Variants in PPCS observed in about 807,000 individuals in gnomAD.
PPCS encodes phosphopantothenate--cysteine ligase.
PPCS carries 17 observed loss-of-function variants against 24.6 expected under a neutral mutation model. The observed-to-expected ratio is 0.69, with a 90% CI of 0.47 to 1.04. The LOEUF (loss-of-function observed/expected upper bound fraction) is 1.04. PPCS is among the 50% of genes least tolerant of loss of function. PPCS has a pLI of 0.00. For missense variants in PPCS, 360 were observed against 402.8 expected, an observed-to-expected ratio of 0.89 and a Z score of 0.91; for synonymous variants, 190 against 168.3, an observed-to-expected ratio of 1.13 and a Z score of -1.00.
Position 42,466,579 on chromosome 1 carries a change from C to G in PPCS, n.378-6543C>G, listed in dbSNP as rs185778797. Among the ~76,000 whole-genome samples the G allele has an allele frequency of 1.3e-4, 19 of 150,362 alleles. 1 individual carries two copies. Among genetic ancestry groups the G allele is most frequent in the Admixed American group, 6.6e-4 (10 of 15,096 alleles). On this transcript the variant is annotated intron_variant and non_coding_transcript_variant, in intron 2 of 2. Transcript: ENST00000471420. ...TTTGTTTTTTTTTTTTGAGATGGAG[C>G]CTTGCTCTGTCGCCCAGGCTGGAGT...
chr1:42,457,023 C>T lies in PPCS; in HGVS notation c.458C>T (p.Ala153Val), dbSNP rs1643225594. The change falls in exon 1 of 3, where the codon GCG becomes GTG. Residue 153 changes from alanine to valine, a missense_variant. By Grantham distance (64) the Ala-to-Val change is moderately conservative. Coordinates refer to ENST00000372561, the MANE Select transcript of PPCS (RefSeq NM_024664.4). Reference protein sequence around the residue: ...TFLAVEFTTLADYLHLLQAAA... With the variant: ...TFLAVEFTTLVDYLHLLQAAA... ...CTGGCAGTAGAGTTCACCACTTTGG[C>T]GGACTATTTGCATCTGTTGCAGGCT... 1.2e-6 allele frequency: 2 copies of T among 1,601,658 alleles called. No individual in the cohort carries two copies. Among genetic ancestry groups the T allele is most frequent in the Non-Finnish European group, 8.5e-7 (1 of 1,179,704 alleles).
At chr1:42,465,835 A>G (rs182648104), downstream of PPCS, among the ~76,000 whole-genome samples, 6 of 152,340 alleles carry the variant, frequency 3.9e-5, no homozygotes, top group African/African-American at 1.2e-4. Context: ...AACTGCCTCC[A>G]CAACAGCTCA....
At position 42,456,576 on chromosome 1, in the gene PPCS, T is replaced by A. The variant is rs547431390; in HGVS notation, c.11T>A (p.Met4Lys). The change falls in exon 1 of 3, where the codon ATG (methionine) becomes AAG (lysine). Residue 4 changes from methionine to lysine, a missense_variant. Coordinates refer to ENST00000372561, the MANE Select transcript of PPCS (RefSeq NM_024664.4). Reference sequence around the variant, plus strand: ...GCCGCTGCGCTGCAGATGGCGGAAATGGATCCGGTAGCCGAGTTCCCCCAG... The same window carrying A: ...GCCGCTGCGCTGCAGATGGCGGAAAAGGATCCGGTAGCCGAGTTCCCCCAG... MAE[M>K]DPVAEFPQPP... 6.7e-7 allele frequency: 1 copy of A among 1,484,222 alleles called. No individual in the cohort carries two copies. 91.9% of individuals were successfully genotyped at this position (1,484,222 alleles called of 1,614,324 possible).
Position 42,456,884 on chromosome 1 carries a change from C to T in PPCS, c.319C>T (p.Pro107Ser), listed in dbSNP as rs375775848. ...CCAGACTTGGCTGTCCGCTCTGCGG[C>T]CTTCGGGCCCAGCCCTTTCGGGCTT... Reference protein sequence around the residue: ...PPQTWLSALRPSGPALSGLLS... With the variant: ...PPQTWLSALRSSGPALSGLLS... Residue 107 changes from proline (P) to serine (S), a missense_variant, in exon 1 of 3, where the codon CCT becomes TCT. By Grantham distance (74) the Pro-to-Ser change is moderately conservative. This residue lies in a region of PPCS where 244 missense variants were observed against 234.7 expected (regional missense o/e 1.04). Coordinates refer to ENST00000372561, the MANE Select transcript of PPCS (RefSeq NM_024664.4). 2.4e-5 allele frequency: 39 copies of T among 1,612,790 alleles called. No homozygotes were observed. The highest frequency in any genetic ancestry group is 3.1e-5 in the Non-Finnish European group (37 of 1,179,906).
intron 2 of PPCS, among the ~76,000 whole-genome samples, chr1:42,471,435 A>C (rs1403848480): frequency 1.3e-5 from 2 of 152,180 alleles, no homozygotes; most frequent in Non-Finnish European, 2.9e-5. Flanking sequence ...ATTTGCTTCC[A>C]GTCTTTTCTT....
chr1:42,459,501 T>C, intron 2 of PPCS, 102 bp from the exon 3 acceptor site: 1 of 1,025,664 alleles, frequency 9.7e-7, no homozygotes. Context: ...AGTTTGATGG[T>C]TGAGAAATCC....
downstream of PPCS, among the ~76,000 whole-genome samples, chr1:42,465,122 C>T (rs978900673): frequency 9.9e-5 from 15 of 152,124 alleles, no homozygotes; most frequent in African/African-American, 3.6e-4. Flanking sequence ...TTAACCTGGG[C>T]AAACATGGCA....
At chr1:42,472,106 T>G (rs1243860996) in intron 2 of PPCS, among the ~76,000 whole-genome samples, 1 of 152,126 alleles carries the variant, frequency 6.6e-6, no homozygotes, top group South Asian at 2.1e-4. Flanking sequence ...ATACAAAAAT[T>G]AGCCAGGTGT....
chr1:42,470,796 TGGGGGTGAGGGGAATGAGAA>T (rs1643746356), intron 2 of PPCS, among the ~76,000 whole-genome samples: 1 of 152,144 alleles, frequency 6.6e-6, no homozygotes, highest in East Asian at 1.9e-4. Context: ...TCCCAGGGCC[TGGGGGTGAGGGGAATGAGAA>T]GTTATTGTTT....
At position 42,456,889 on chromosome 1, in the gene PPCS, G is replaced by A. The variant is rs1004601992; in HGVS notation, c.324G>A (p.Ser108=). Reference sequence around the variant, plus strand: ...CTTGGCTGTCCGCTCTGCGGCCTTCGGGCCCAGCCCTTTCGGGCTTGCTGA... The same window carrying A: ...CTTGGCTGTCCGCTCTGCGGCCTTCAGGCCCAGCCCTTTCGGGCTTGCTGA... The part of the protein sequence containing the change: ...PQTWLSALRP[S]GPALSGLLSL... Residue 108 remains serine (S), a synonymous_variant, in exon 1 of 3, where the codon TCG becomes TCA. Transcript: ENST00000372561. 1.2e-6 allele frequency: 2 copies of A among 1,612,664 alleles called. No individual in the cohort carries two copies. Among genetic ancestry groups the A allele is most frequent in the Admixed American group, 1.7e-5 (1 of 60,026 alleles).
intron 2 of PPCS, 34 bp downstream of exon 2, chr1:42,457,384 C>G: frequency 6.4e-7 from 1 of 1,566,244 alleles, no homozygotes; most frequent in Non-Finnish European, 8.8e-7. Context: ...GATCTAATCC[C>G]ATATAACCAA....
At position 42,459,307 on chromosome 1, in the gene PPCS, T is replaced by A. The variant is rs192108906; in HGVS notation, c.613-296T>A. The A allele has an allele frequency of 6.4e-4, 205 of 319,386 alleles. 4 individuals carry two copies. Among genetic ancestry groups the A allele is most frequent in the Middle Eastern group, 1.1e-3 (1 of 946 alleles). 19.8% of individuals were successfully genotyped at this position (319,386 alleles called of 1,614,324 possible). The stretch of plus-strand genomic sequence containing the variant: ...CCTCCTGAGTAGCTGGGACTACAGG[T>A]GGGTGCCACCATGCTTGGCTAATTT... On this transcript the variant is annotated intron_variant, in intron 2 of 2. Transcript: ENST00000372561.
At chr1:42,457,131 T>A in intron 1 of PPCS, 58 bp downstream of exon 1, 1 of 1,582,012 alleles carries the variant, frequency 6.3e-7, no homozygotes, top group East Asian at 2.2e-5. Context: ...TTCCAGCCAC[T>A]TATCCCCTTA....
rs1569626462 is a variant in PPCS at position 42,459,971 on chromosome 1, A to C, written c.*45A>C. The C allele has an allele frequency of 6.5e-7, 1 of 1,530,344 alleles. No homozygotes were observed. The highest frequency in any genetic ancestry group is 8.7e-7 in the Non-Finnish European group (1 of 1,146,282). 94.8% of individuals were successfully genotyped at this position (1,530,344 alleles called of 1,614,324 possible). A position where few individuals can be genotyped will look rare whatever the true frequency, so the allele number is the denominator to read the frequency against. On this transcript the variant is annotated 3_prime_UTR_variant, in exon 3 of 3. Transcript: ENST00000372561. Reference sequence around the variant, plus strand: ...ATCAAAAATTGTTCAGGGCTCTTAGAGATGGTGAAAACTACAAAAAAAACC... The same window carrying C: ...ATCAAAAATTGTTCAGGGCTCTTAGCGATGGTGAAAACTACAAAAAAAACC...
At chr1:42,466,474 T>C (rs959438930) in intron 2 of PPCS, among the ~76,000 whole-genome samples, 1 of 152,202 alleles carries the variant, frequency 6.6e-6, no homozygotes, top group Admixed American at 6.5e-5. Context: ...TTTCCAGAGA[T>C]TGGATTTTTA....
intron 2 of PPCS, chr1:42,473,079 G>C (rs1306816752): frequency 3.3e-6 from 4 of 1,221,810 alleles, no homozygotes; most frequent in Non-Finnish European, 4.1e-6. Flanking sequence ...TCAGTTGTGT[G>C]TGTGTGTGTG....
At chr1:42,469,256 T>G (rs542643278) in intron 2 of PPCS, among the ~76,000 whole-genome samples, 1 of 152,296 alleles carries the variant, frequency 6.6e-6, no homozygotes, top group South Asian at 2.1e-4. Flanking sequence ...TTGGCACATT[T>G]CTGTAGTCCT....
chr1:42,467,594 A>G (rs916960525), intron 2 of PPCS: 1 of 152,228 alleles, frequency 6.6e-6, no homozygotes, highest in Non-Finnish European at 1.5e-5. Flanking sequence ...GTTGTTCACT[A>G]GAAAACTGGA....
intron 2 of PPCS, among the ~76,000 whole-genome samples, chr1:42,472,265 A>T (rs1643794776): frequency 6.6e-6 from 1 of 152,162 alleles, no homozygotes; most frequent in Admixed American, 6.5e-5. Flanking sequence ...AGAAAAAAAA[A>T]TAGTTAGTGG....
Sources: gnomAD v4.1 joint callset for allele counts (sites outside exome capture counted in the v4.1 genomes callset) on GRCh38, gnomAD v4.1.1 for gene constraint, gnomAD v4.1.1 regional missense constraint, MANE v1.5 for transcripts, NCBI Gene and HGNC (gene_info 2026-07-23, HGNC 2026-07-21) for gene names.